The following GALNT17 variants were observed in gnomAD, a reference collection of about 807,000 sequenced individuals.
The protein encoded by GALNT17 is UDP-GalNAc:polypeptide N-acetylgalactosaminyltransferase-like 3.
A neutral mutation model predicts 63.7 loss-of-function variants in GALNT17; 29 were observed. The ratio of observed to expected loss-of-function variants is 0.46; its 90% CI spans 0.34 to 0.62. The LOEUF is 0.62. GALNT17 is among the 20% of genes least tolerant of loss of function. The pLI, the probability that GALNT17 is intolerant of heterozygous loss-of-function variation, is 0.01. For synonymous variants in GALNT17, 305 were observed against 318.3 expected (o/e 0.96, Z 0.45); for missense variants, 603 against 799.6 (o/e 0.75, Z 2.97).
At chr7:71,658,491 C>T (rs1340932751) in intron 6 of GALNT17, among the ~76,000 whole-genome samples, 1 of 152,124 alleles carries the variant, frequency 6.6e-6, no homozygotes, top group African/African-American at 2.4e-5. Context: ...AGGCTTTTTG[C>T]CCCAATGAAT....
intron 2 of GALNT17, among the ~76,000 whole-genome samples, chr7:71,347,420 GAATAATATACCTATACATTTCACAC>G (rs925966659): frequency 5.9e-5 from 9 of 152,110 alleles, no homozygotes; most frequent in Admixed American, 5.2e-4. Context: ...GAAATGTATA[GAATAATATACCTATACATTTCACAC>G]AATAATATAC....
chr7:71,286,120 GC>G (rs1435827833), intron 1 of GALNT17, among the ~76,000 whole-genome samples: 2 of 152,124 alleles, frequency 1.3e-5, no homozygotes, highest in Admixed American at 6.5e-5. Context: ...AAAATATCTT[GC>G]GTTTGCAAAT....
chr7:71,549,853 A>G (rs1165600396), intron 5 of GALNT17, among the ~76,000 whole-genome samples: 4 of 151,832 alleles, frequency 2.6e-5, no homozygotes, highest in Non-Finnish European at 4.4e-5. Flanking sequence ...AGGTTCTGAG[A>G]GAAAGTAGAT....
At chr7:71,488,580 T>TC (rs1787952251) in intron 5 of GALNT17, among the ~76,000 whole-genome samples, 1 of 147,310 alleles carries the variant, frequency 6.8e-6, no homozygotes, top group African/African-American at 2.5e-5. Context: ...CCTTCTTTTT[T>TC]TTTTTTTTTT....
intron 1 of GALNT17, among the ~76,000 whole-genome samples, chr7:71,322,451 G>C (rs1414541220): frequency 1.3e-5 from 2 of 152,134 alleles, no homozygotes; most frequent in African/African-American, 2.4e-5. Context: ...CATATCTCTT[G>C]GAACTACAAA....
At chr7:71,144,058 C>G (rs988996533) in intron 1 of GALNT17, among the ~76,000 whole-genome samples, 1 of 152,134 alleles carries the variant, frequency 6.6e-6, no homozygotes, top group African/African-American at 2.4e-5. Flanking sequence ...GAGTCAACAT[C>G]TGGAATTGCT....
intron 5 of GALNT17, among the ~76,000 whole-genome samples, chr7:71,431,210 T>TA (rs929162602): frequency 3.2e-4 from 4 of 12,654 alleles, no homozygotes; most frequent in African/African-American, 1.1e-3. Context: ...TTTTCTTTTC[T>TA]TTTTTTTTTT....
intron 1 of GALNT17, among the ~76,000 whole-genome samples, chr7:71,199,945 C>T (rs1289410396): frequency 6.6e-6 from 1 of 152,138 alleles, no homozygotes; most frequent in Non-Finnish European, 1.5e-5. Flanking sequence ...GAAAAGTGTG[C>T]ATTTCTTGCT....
intron 9 of GALNT17, among the ~76,000 whole-genome samples, chr7:71,691,900 CTCT>C (rs1411896498): frequency 1.1e-4 from 17 of 151,046 alleles, no homozygotes; most frequent in Admixed American, 2.0e-4. Flanking sequence ...TCCTTCCTTT[CTCT>C]CTTTCTCTCT....
At chr7:71,414,300 T>C (rs965983164) in intron 3 of GALNT17, among the ~76,000 whole-genome samples, 1 of 152,198 alleles carries the variant, frequency 6.6e-6, no homozygotes, top group Non-Finnish European at 1.5e-5. Flanking sequence ...GACAATCTGT[T>C]GTTCATAGGA....
At chr7:71,264,552 A>G (rs189068315) in intron 1 of GALNT17, among the ~76,000 whole-genome samples, 128 of 152,288 alleles carry the variant, frequency 8.4e-4, no homozygotes, top group Non-Finnish European at 1.3e-3. Flanking sequence ...CAGTATTCAT[A>G]ATAGCAAAGG....
intron 1 of GALNT17, among the ~76,000 whole-genome samples, chr7:71,281,923 C>A (rs2115758278): frequency 6.6e-6 from 1 of 152,274 alleles, no homozygotes; most frequent in Admixed American, 6.5e-5. Context: ...CTGCTGGAGA[C>A]AATTCTCTTC....
At chr7:71,351,088 C>T (rs1792181187) in intron 2 of GALNT17, among the ~76,000 whole-genome samples, 1 of 152,122 alleles carries the variant, frequency 6.6e-6, no homozygotes. Flanking sequence ...GTGCAGTGAG[C>T]CAAGATTGAG....
Position 71,337,731 on chromosome 7 carries a change from G to A in GALNT17, c.422+1998G>A, listed in dbSNP as rs535251333. ...AAAAATACAAAAATTGGCTGGGCGC[G>A]GTGGCAGGCTCCTATAATCCCAGCT... On this transcript the variant is annotated intron_variant, in intron 2 of 10. Coordinates refer to ENST00000333538, the MANE Select transcript of GALNT17 (RefSeq NM_022479.3). Among the ~76,000 whole-genome samples the A allele has an allele frequency of 1.3e-4, 19 of 151,898 alleles. No individual in the cohort carries two copies. The East Asian group carries it at 2.3e-3, about 19-fold the overall frequency.
chr7:71,552,947 A>G (rs1312230193), intron 5 of GALNT17, among the ~76,000 whole-genome samples: 1 of 152,158 alleles, frequency 6.6e-6, no homozygotes, highest in Non-Finnish European at 1.5e-5. Flanking sequence ...GTTGCTGGGC[A>G]TCTGTCTCCC....
At chr7:71,489,377 G>A (rs1175606429) in intron 5 of GALNT17, among the ~76,000 whole-genome samples, 2 of 152,238 alleles carry the variant, frequency 1.3e-5, no homozygotes, top group Non-Finnish European at 2.9e-5. Context: ...GAGAAGATCA[G>A]GAGATTCAGA....
chr7:71,380,116 T>G (rs1792816805), intron 2 of GALNT17, among the ~76,000 whole-genome samples: 1 of 151,998 alleles, frequency 6.6e-6, no homozygotes, highest in Non-Finnish European at 1.5e-5. Flanking sequence ...ATGGTGAGGT[T>G]GGGAAGGTCC....
intron 6 of GALNT17, among the ~76,000 whole-genome samples, chr7:71,604,503 C>G (rs1318005898): frequency 6.6e-6 from 1 of 152,166 alleles, no homozygotes; most frequent in Non-Finnish European, 1.5e-5. Context: ...GACCAATGAA[C>G]TATTATTCTT....
chr7:71,448,704 T>C (rs1447994455), intron 5 of GALNT17, among the ~76,000 whole-genome samples: 3 of 152,198 alleles, frequency 2.0e-5, no homozygotes, highest in Non-Finnish European at 4.4e-5. Context: ...GCAAACATAA[T>C]GTTGAATCAG....
Sources: gnomAD v4.1 joint callset for allele counts (sites outside exome capture counted in the v4.1 genomes callset) on GRCh38, gnomAD v4.1.1 for gene constraint, MANE v1.5 for transcripts, NCBI Gene and HGNC (gene_info 2026-07-23, HGNC 2026-07-21) for gene names.